Variants in FHOD3 observed in about 807,000 individuals in gnomAD.
FHOD3 encodes formin homology 2 domain containing 3, also known as FH1/FH2 domain-containing protein 3.
Under a neutral mutation model 173.0 loss-of-function variants are expected in FHOD3, and 90 were observed. The observed-to-expected ratio is 0.52, with a 90% CI of 0.44 to 0.62. The LOEUF (loss-of-function observed/expected upper bound fraction) is 0.62, where lower values mean the gene tolerates loss of function less well. Among genes scored for constraint, FHOD3 ranks in the 20% least tolerant of loss-of-function variants. The probability of loss-of-function intolerance (pLI) is 0.00; values close to 1 mark genes in which losing one functional copy is unlikely to be tolerated. For synonymous variants in FHOD3, 828 were observed against 823.0 expected (o/e 1.01, Z -0.10); for missense variants, 1,945 against 2,034.7 (o/e 0.96, Z 0.85).
intron 5 of FHOD3, among the ~76,000 whole-genome samples, chr18:36,531,329 G>A (rs1182696056): frequency 2.0e-5 from 3 of 152,098 alleles, no homozygotes; most frequent in South Asian, 2.1e-4. Context: ...GCTCCCTCCC[G>A]AGGGATGCTC....
At chr18:36,623,723 A>G (rs1416401865) in intron 9 of FHOD3, among the ~76,000 whole-genome samples, 1 of 152,162 alleles carries the variant, frequency 6.6e-6, no homozygotes, top group Non-Finnish European at 1.5e-5. Flanking sequence ...CACCTATGGG[A>G]GTTTGTTATA....
Position 36,303,939 on chromosome 18 carries a change from T to G in FHOD3, c.165+5939T>G, listed in dbSNP as rs142275116. ...CTAAGTTAGAAAGAATGGGGAAAAT[T>G]AAGTTACAGTGAATGTTAAGCTTTG... On this transcript the variant is annotated intron_variant, in intron 1 of 28. Transcript: ENST00000590592. Among the ~76,000 whole-genome samples, 616 of 152,296 alleles carry G rather than the reference T, an allele frequency of 4.0e-3. 3 individuals carry two copies. Among genetic ancestry groups the G allele is most frequent in the Non-Finnish European group, 7.6e-3 (518 of 68,034 alleles).
chr18:36,466,687 C>T (rs960940601), intron 3 of FHOD3, among the ~76,000 whole-genome samples: 1 of 152,018 alleles, frequency 6.6e-6, no homozygotes, highest in African/African-American at 2.4e-5. Context: ...TTCTCCAGGC[C>T]CCTCAGGAAG....
chr18:36,601,100 C>T (rs16967993), intron 7 of FHOD3, among the ~76,000 whole-genome samples: 7,034 of 152,224 alleles, frequency 0.046, 390 homozygotes, highest in African/African-American at 0.13. Flanking sequence ...ACAACTACAC[C>T]GTGGTGTGGA....
At chr18:36,741,102 T>C (rs1343864191) in intron 21 of FHOD3, among the ~76,000 whole-genome samples, 6 of 152,208 alleles carry the variant, frequency 3.9e-5, no homozygotes, top group African/African-American at 1.4e-4. Context: ...AATTACATTT[T>C]TTTTTCAGAT....
intron 10 of FHOD3, among the ~76,000 whole-genome samples, chr18:36,631,137 G>T (rs2034484038): frequency 6.6e-6 from 1 of 152,182 alleles, no homozygotes; most frequent in African/African-American, 2.4e-5. Context: ...TCTGGCAGGG[G>T]TTTGTTGTGG....
rs2036154164 is a variant in FHOD3, at chr18:36,652,802, A to C, written c.1519A>C (p.Lys507Gln). 6.5e-7 allele frequency: 1 copy of C among 1,535,966 alleles called. No individual in the cohort carries two copies. Among genetic ancestry groups the C allele is most frequent in the Non-Finnish European group, 8.7e-7 (1 of 1,146,726 alleles). ...CTCCTCCGCCACACCAGGCTCCCTG[A>C]AGGTGTCACCGACCATAGACAAGCT... Reference protein sequence around the residue: ...RPSSATPGSLKVSPTIDKLPY... With the variant: ...RPSSATPGSLQVSPTIDKLPY... Residue 507 changes from lysine to glutamine, a missense_variant, in exon 12 of 29, where the codon AAG (lysine) becomes CAG (glutamine). Physicochemically the swap from Lys to Gln is moderately conservative, Grantham distance 53. This residue lies in a region of FHOD3 where 1,099 missense variants were observed against 1,051.2 expected (regional missense o/e 1.05). Coordinates refer to ENST00000590592, the MANE Select transcript of FHOD3 (RefSeq NM_001281740.3).
intron 1 of FHOD3, among the ~76,000 whole-genome samples, chr18:36,301,155 A>G (rs2091949315): frequency 6.6e-6 from 1 of 152,192 alleles, no homozygotes. Context: ...AGCGCTGAGA[A>G]GGCCCCCTCA....
At chr18:36,558,392 T>C (rs1000512498) in intron 5 of FHOD3, among the ~76,000 whole-genome samples, 1 of 152,224 alleles carries the variant, frequency 6.6e-6, no homozygotes, top group Non-Finnish European at 1.5e-5. Context: ...TGAAAAGAGT[T>C]ATATTTAGTC....
At chr18:36,738,442 A>C (rs1161103582) in intron 20 of FHOD3, among the ~76,000 whole-genome samples, 3 of 152,188 alleles carry the variant, frequency 2.0e-5, no homozygotes, top group Admixed American at 1.3e-4. Flanking sequence ...CACAAAGCAA[A>C]AGTTTTTAAC....
intron 3 of FHOD3, among the ~76,000 whole-genome samples, chr18:36,451,347 T>C (rs1286316786): frequency 6.6e-6 from 1 of 152,226 alleles, no homozygotes; most frequent in African/African-American, 2.4e-5. Flanking sequence ...CTGTGTTGTG[T>C]ATAGCCTTAC....
intron 3 of FHOD3, among the ~76,000 whole-genome samples, chr18:36,397,063 G>C (rs1472513538): frequency 6.6e-6 from 1 of 152,070 alleles, no homozygotes; most frequent in Non-Finnish European, 1.5e-5. Flanking sequence ...TCCTATCCTG[G>C]AAGGAATCCC....
At chr18:36,319,443 T>TA (rs2044287273) in intron 1 of FHOD3, among the ~76,000 whole-genome samples, 1 of 152,214 alleles carries the variant, frequency 6.6e-6, no homozygotes, top group Non-Finnish European at 1.5e-5. Flanking sequence ...CAAACTATCC[T>TA]AAATATATAT....
At chr18:36,338,562 C>T (rs2045444011) in intron 1 of FHOD3, among the ~76,000 whole-genome samples, 2 of 152,210 alleles carry the variant, frequency 1.3e-5, no homozygotes, top group Admixed American at 6.5e-5. Context: ...AGATAACAGG[C>T]TGGCCCAATA....
chr18:36,452,954 G>T (rs2051953509), intron 3 of FHOD3, among the ~76,000 whole-genome samples: 1 of 151,336 alleles, frequency 6.6e-6, no homozygotes, highest in Non-Finnish European at 1.5e-5. Flanking sequence ...TTGACATCTC[G>T]GCTATTGTAA....
chr18:36,612,148 G>A, intron 9 of FHOD3, 53 bp downstream of exon 9: 1 of 1,576,320 alleles, frequency 6.3e-7, no homozygotes, highest in Admixed American at 1.8e-5. Context: ...AATTGTCAAA[G>A]GCTGAGATGG....
At chr18:36,394,311 T>G (rs143423013) in intron 3 of FHOD3, among the ~76,000 whole-genome samples, 3 of 152,312 alleles carry the variant, frequency 2.0e-5, no homozygotes, top group African/African-American at 7.2e-5. Flanking sequence ...AAGCAGACAT[T>G]GAGATTTTTA....
At chr18:36,499,639 A>G (rs984613798) in intron 3 of FHOD3, among the ~76,000 whole-genome samples, 2 of 152,198 alleles carry the variant, frequency 1.3e-5, no homozygotes, top group Admixed American at 1.3e-4. Context: ...CCCAGAGACC[A>G]GGGTTCTACT....
Position 36,567,927 on chromosome 18 carries a change from T to C in FHOD3, c.512-8524T>C, listed in dbSNP as rs149873756. Among the ~76,000 whole-genome samples the C allele has an allele frequency of 1.9e-3, 287 of 152,164 alleles. 1 individual carries two copies. Among genetic ancestry groups the C allele is most frequent in the African/African-American group, 6.6e-3 (276 of 41,546 alleles). On this transcript the variant is annotated intron_variant, in intron 5 of 28. Coordinates refer to ENST00000590592, the MANE Select transcript of FHOD3 (RefSeq NM_001281740.3). Reference sequence around the variant, plus strand: ...CTCACAGAAGTCTGGTTTTTCCTTCTCTGTTTTTCTGCTTGGCCCCAGTTG... The same window carrying C: ...CTCACAGAAGTCTGGTTTTTCCTTCCCTGTTTTTCTGCTTGGCCCCAGTTG...
Sources: gnomAD v4.1 joint callset for allele counts (sites outside exome capture counted in the v4.1 genomes callset) on GRCh38, gnomAD v4.1.1 for gene constraint, gnomAD v4.1.1 regional missense constraint, MANE v1.5 for transcripts, NCBI Gene and HGNC (gene_info 2026-07-23, HGNC 2026-07-21) for gene names.